UBE2Q2: variants seen among roughly 807,000 people sequenced by gnomAD.
The protein encoded by UBE2Q2 is ubiquitin conjugating enzyme E2 Q2, also known as ubiquitin-conjugating enzyme E2 Q2.
UBE2Q2 carries 54 observed loss-of-function variants against 59.9 expected under a neutral mutation model. That is an observed-to-expected ratio of 0.90 (90% CI 0.72 to 1.13). The LOEUF is 1.13. Ranked by LOEUF, UBE2Q2 falls within the 50% of genes most tolerant of loss-of-function variation. UBE2Q2 has a pLI of 0.00. For missense variants in UBE2Q2, 433 were observed against 441.9 expected, an observed-to-expected ratio of 0.98 and a Z score of 0.18; for synonymous variants, 165 against 155.2, an observed-to-expected ratio of 1.06 and a Z score of -0.47.
chr15:75,853,334 G>T (rs1486776457), intron 1 of UBE2Q2, among the ~76,000 whole-genome samples: 1 of 152,036 alleles, frequency 6.6e-6, no homozygotes. Context: ...AGCTTGGCGT[G>T]GTGGCATGTG....
intron 8 of UBE2Q2, among the ~76,000 whole-genome samples, chr15:75,881,745 A>AG (rs2141644144): frequency 6.6e-6 from 1 of 152,324 alleles, no homozygotes; most frequent in East Asian, 1.9e-4. Flanking sequence ...CATAACACAA[A>AG]GATGGGAGTT....
rs1345916622 is a variant in UBE2Q2, at chr15:75,877,901, A to G, written c.674-60A>G. The G allele has an allele frequency of 1.3e-5, 20 of 1,508,594 alleles. No homozygotes were observed. The Admixed American group carries it at 2.0e-4, about 15-fold the overall frequency. 93.5% of individuals were successfully genotyped at this position (1,508,594 alleles called of 1,614,324 possible). ...TTGGCTATTTAGTGTATACATTTAT[A>G]CCATAGTAATAGTTATATGATGAAA... On this transcript the variant is annotated intron_variant, in intron 6 of 12. Coordinates refer to ENST00000267938, the MANE Select transcript of UBE2Q2 (RefSeq NM_173469.4).
At chr15:75,848,565 T>G (rs1434583265) in intron 1 of UBE2Q2, among the ~76,000 whole-genome samples, 1 of 152,224 alleles carries the variant, frequency 6.6e-6, no homozygotes, top group Non-Finnish European at 1.5e-5. Context: ...TTATGCTCCC[T>G]CATCCCCATT....
chr15:75,857,320 T>C (rs944094172), intron 2 of UBE2Q2, among the ~76,000 whole-genome samples: 3 of 152,198 alleles, frequency 2.0e-5, no homozygotes, highest in African/African-American at 7.2e-5. Context: ...ATAGCAAAAA[T>C]GAGTTATTTT....
At chr15:75,879,059 A>G in intron 7 of UBE2Q2, 39 bp from the exon 8 acceptor site, 2 of 1,457,248 alleles carry the variant, frequency 1.4e-6, no homozygotes, top group Non-Finnish European at 1.8e-6. Flanking sequence ...AAAATCTCTA[A>G]CTTTTTATTT....
chr15:75,890,924 G>C lies in UBE2Q2; in HGVS notation c.939G>C (p.Trp313Cys). ...GATACTTTGTTCTTCTGTAGGGCTG[G>C]AGCAGTGCCTACTCAATAGAATCGG... ...LCMELLTKQGWSSAYSIESVI... is the reference protein window; with the variant it reads ...LCMELLTKQGCSSAYSIESVI... The change falls in exon 11 of 13, where the codon TGG (tryptophan) becomes TGC (cysteine). Residue 313 changes from tryptophan (W) to cysteine (C), a missense_variant. Transcript: ENST00000267938. The C allele has an allele frequency of 6.2e-7, 1 of 1,612,970 alleles. No homozygotes were observed. The highest frequency in any genetic ancestry group is 8.5e-7 in the Non-Finnish European group (1 of 1,179,766).
In UBE2Q2 at chr15:75,843,556, G is replaced by A; in HGVS notation, c.-111G>A. The A allele has an allele frequency of 1.2e-6, 1 of 825,630 alleles. No individual in the cohort carries two copies. The highest frequency in any genetic ancestry group is 1.7e-6 in the Non-Finnish European group (1 of 599,098). 51.1% of individuals were successfully genotyped at this position (825,630 alleles called of 1,614,324 possible). A position where few individuals can be genotyped will look rare whatever the true frequency, so the allele number is the denominator to read the frequency against. On this transcript the variant is annotated 5_prime_UTR_variant, in exon 1 of 13. Transcript: ENST00000267938. ...GACGAGGCGGAGCCGCGAGAGCGCG[G>A]CCCAGGCCGGCCCCGCGGGGCGGTC...
chr15:75,865,202 C>T (rs1335359865), intron 3 of UBE2Q2, among the ~76,000 whole-genome samples: 1 of 152,266 alleles, frequency 6.6e-6, no homozygotes, highest in Non-Finnish European at 1.5e-5. Context: ...TCTTTCCTTA[C>T]ATTTCTCTAG....
At chr15:75,885,797 G>A (rs1251162135) in intron 9 of UBE2Q2, among the ~76,000 whole-genome samples, 1 of 152,194 alleles carries the variant, frequency 6.6e-6, no homozygotes, top group Non-Finnish European at 1.5e-5. Flanking sequence ...GTTTAGAATT[G>A]TGTACAGTTT....
chr15:75,859,260 A>AC (rs140845421), intron 2 of UBE2Q2, among the ~76,000 whole-genome samples: 6,713 of 152,262 alleles, frequency 0.044, 279 homozygotes, highest in African/African-American at 0.11. Context: ...TTAAGAGCCT[A>AC]CTAAATATCA....
In UBE2Q2 at chr15:75,843,754, A is replaced by T; in HGVS notation, c.88A>T (p.Lys30Ter). ...CGAGCGATTCCGCATCGTCAGTTGG[A>T]AGCTGGACGAGCTGCACTGCCAGTT... ...NHERFRIVSW[K>*]LDELHCQFLV... is the part of the protein sequence containing the mutation. The change falls in exon 1 of 13, where the codon AAG becomes TAG. Residue 30 changes from lysine (K) to a stop codon, truncating the protein, a stop_gained. Coordinates refer to ENST00000267938, the MANE Select transcript of UBE2Q2 (RefSeq NM_173469.4). LOFTEE classifies it high-confidence loss of function. 1.9e-6 allele frequency: 3 copies of T among 1,611,046 alleles called. No individual in the cohort carries two copies. Among genetic ancestry groups the T allele is most frequent in the Non-Finnish European group, 2.5e-6 (3 of 1,178,940 alleles).
chr15:75,853,160 C>A (rs949162242), intron 1 of UBE2Q2, among the ~76,000 whole-genome samples: 3 of 152,084 alleles, frequency 2.0e-5, no homozygotes, highest in Admixed American at 6.6e-5. Context: ...TTAAAGAAAT[C>A]ACATGTAATT....
intron 3 of UBE2Q2, among the ~76,000 whole-genome samples, chr15:75,862,763 T>C (rs1422129393): frequency 7.0e-6 from 1 of 142,172 alleles, no homozygotes; most frequent in Non-Finnish European, 1.5e-5. Flanking sequence ...TGCAGTGGGC[T>C]GTGATCATGC....
chr15:75,891,394 T>C (rs1899095901), intron 11 of UBE2Q2, among the ~76,000 whole-genome samples: 2 of 152,222 alleles, frequency 1.3e-5, no homozygotes, highest in Admixed American at 6.5e-5. Flanking sequence ...GTTCATGTTA[T>C]AGAACTAATT....
chr15:75,899,510 C>A lies in UBE2Q2; in HGVS notation c.*52C>A. On this transcript the variant is annotated 3_prime_UTR_variant, in exon 13 of 13. Coordinates refer to ENST00000267938, the MANE Select transcript of UBE2Q2 (RefSeq NM_173469.4). ...TAATGTTGCTTTAAAGAAAATCTTTCTAACATGCAGACAAAAGCTTTGAGT... is the reference window on the plus strand; with the variant it reads ...TAATGTTGCTTTAAAGAAAATCTTTATAACATGCAGACAAAAGCTTTGAGT... 6.6e-7 allele frequency: 1 copy of A among 1,521,584 alleles called. No homozygotes were observed. Among genetic ancestry groups the A allele is most frequent in the Non-Finnish European group, 9.0e-7 (1 of 1,115,406 alleles). The allele number at this position is 1,521,584 out of a possible 1,614,324, so 94.3% of individuals were successfully genotyped here. A position where few individuals can be genotyped will look rare whatever the true frequency, so the allele number is the denominator to read the frequency against.
chr15:75,896,724 C>A (rs1899443689), intron 11 of UBE2Q2, among the ~76,000 whole-genome samples: 1 of 152,106 alleles, frequency 6.6e-6, no homozygotes, highest in African/African-American at 2.4e-5. Context: ...AACCAGAAAG[C>A]TTTGTACTTG....
At chr15:75,844,124 G>T (rs2134736) in intron 1 of UBE2Q2, 2 of 1,415,258 alleles carry the variant, frequency 1.4e-6, no homozygotes, top group South Asian at 1.5e-5. Context: ...CCCGAGGGGG[G>T]AGTCCGCGGC....
chr15:75,862,659 T>TA (rs1369840857), intron 3 of UBE2Q2, among the ~76,000 whole-genome samples: 3 of 150,608 alleles, frequency 2.0e-5, no homozygotes, highest in Non-Finnish European at 3.0e-5. Context: ...TTACAAAAAA[T>TA]AAAAAATTAG....
At chr15:75,878,524 G>A (rs1385406919) in intron 7 of UBE2Q2, among the ~76,000 whole-genome samples, 4 of 143,554 alleles carry the variant, frequency 2.8e-5, no homozygotes, top group African/African-American at 1.0e-4. Context: ...TTGCACTCCA[G>A]ACATCAAGGC....
Sources: gnomAD v4.1 joint callset for allele counts (sites outside exome capture counted in the v4.1 genomes callset) on GRCh38, gnomAD v4.1.1 for gene constraint, MANE v1.5 for transcripts, NCBI Gene and HGNC (gene_info 2026-07-23, HGNC 2026-07-21) for gene names.